Variants in EPB41L2 observed in about 807,000 individuals in gnomAD.
The protein encoded by EPB41L2 is erythrocyte membrane protein band 4.1 like 2.
EPB41L2 carries 43 observed loss-of-function variants against 113.0 expected under a neutral mutation model. That is an observed-to-expected ratio of 0.38 (90% CI 0.30 to 0.49). The LOEUF is 0.49. EPB41L2 is among the 20% of genes least tolerant of loss of function. The probability of loss-of-function intolerance (pLI) is 0.95; values close to 1 mark genes in which losing one functional copy is unlikely to be tolerated. For missense variants in EPB41L2, 1,147 were observed against 1,223.4 expected (o/e 0.94, Z 0.93); for synonymous variants, 442 against 436.7 (o/e 1.01, Z -0.15).
intron 19 of EPB41L2, among the ~76,000 whole-genome samples, chr6:130,846,650 T>G (rs1391281100): frequency 6.6e-6 from 1 of 152,192 alleles, no homozygotes; most frequent in Non-Finnish European, 1.5e-5. Flanking sequence ...GACCCCACCT[T>G]CTTAGGAGGC....
intron 6 of EPB41L2, among the ~76,000 whole-genome samples, chr6:130,903,399 A>T (rs909783485): frequency 1.5e-5 from 1 of 65,778 alleles, no homozygotes; most frequent in Admixed American, 1.6e-4. Context: ...CAAGTAGTTT[A>T]AAAAAAAAAA....
intron 3 of EPB41L2, among the ~76,000 whole-genome samples, chr6:130,948,870 C>T (rs1813845653): frequency 6.6e-6 from 1 of 152,276 alleles, no homozygotes; most frequent in East Asian, 1.9e-4. Context: ...ACAATCTAGC[C>T]TCAAATTTTG....
At chr6:130,880,900 CA>C (rs1789104277) in intron 12 of EPB41L2, 1 of 167,108 alleles carries the variant, frequency 6.0e-6, no homozygotes, top group African/African-American at 2.4e-5. Context: ...TATTGGGGAA[CA>C]AATGTTCAAC....
At chr6:130,944,670 T>G (rs539951524) in intron 3 of EPB41L2, among the ~76,000 whole-genome samples, 1 of 151,442 alleles carries the variant, frequency 6.6e-6, no homozygotes, top group African/African-American at 2.4e-5. Flanking sequence ...AAATGTGGAG[T>G]TGGTAGGGTC....
chr6:131,044,226 A>G (rs1475040618), intron 1 of EPB41L2, among the ~76,000 whole-genome samples: 1 of 151,656 alleles, frequency 6.6e-6, no homozygotes, highest in African/African-American at 2.4e-5. Context: ...GAGTTTCACC[A>G]TGTTGCCCCG....
intron 1 of EPB41L2, among the ~76,000 whole-genome samples, 191 bp downstream of exon 1, chr6:131,062,964 G>C (rs2128212958): frequency 1.3e-5 from 2 of 152,186 alleles, no homozygotes; most frequent in Middle Eastern, 6.8e-3. Flanking sequence ...AGAGGGAGCC[G>C]CAGAAAATCC....
chr6:130,843,402 C>T (rs1458504030), intron 19 of EPB41L2, among the ~76,000 whole-genome samples: 2 of 152,306 alleles, frequency 1.3e-5, no homozygotes, highest in Non-Finnish European at 2.9e-5. Flanking sequence ...CATGTAAAAG[C>T]TGTAAAAGTT....
At chr6:130,914,060 A>G (rs1329253750) in intron 4 of EPB41L2, among the ~76,000 whole-genome samples, 1 of 152,194 alleles carries the variant, frequency 6.6e-6, no homozygotes, top group Non-Finnish European at 1.5e-5. Flanking sequence ...ACACGCAGTA[A>G]AATTCTGGTT....
At chr6:130,861,271 G>T (rs1050350355) in intron 18 of EPB41L2, among the ~76,000 whole-genome samples, 3 of 150,588 alleles carry the variant, frequency 2.0e-5, no homozygotes, top group East Asian at 2.0e-4. Flanking sequence ...ACAGGGTTTC[G>T]CTGTGTTAGC....
chr6:130,869,460 T>C lies in EPB41L2; in HGVS notation c.2607+103A>G, dbSNP rs1369725746. 1.3e-5 allele frequency: 14 copies of C among 1,080,020 alleles called. No homozygotes were observed. In the South Asian group the frequency reaches 1.8e-4, roughly 14 times the overall value. The allele number at this position is 1,080,020 out of a possible 1,614,324, so 66.9% of individuals were successfully genotyped here. A position where few individuals can be genotyped will look rare whatever the true frequency, so the allele number is the denominator to read the frequency against. ...ATGAGAGAGAAAAATCAGATTCTTG[T>C]TGAAAAAAGCTGAAGAACTGGGAGG... On this transcript the variant is annotated intron_variant, in intron 15 of 19. Coordinates refer to ENST00000337057, the MANE Select transcript of EPB41L2 (RefSeq NM_001431.4).
Position 130,885,271 on chromosome 6 carries a change from A to C in EPB41L2, c.1661-3T>G, listed in dbSNP as rs1790569266. 9 of 1,614,078 alleles carry C rather than the reference A, an allele frequency of 5.6e-6. No individual in the cohort carries two copies. The highest frequency in any genetic ancestry group is 7.6e-6 in the Non-Finnish European group (9 of 1,179,960). On this transcript the variant is annotated splice_polypyrimidine_tract_variant and splice_region_variant and intron_variant, in intron 11 of 19. Transcript: ENST00000337057. ...TTGGTCCATGACACCAATCGGAGCT[A>C]GTAAAGAGTGACAATTTTGGATTAT...
intron 17 of EPB41L2, among the ~76,000 whole-genome samples, chr6:130,864,414 G>A (rs944289646): frequency 2.0e-5 from 3 of 152,196 alleles, no homozygotes; most frequent in Non-Finnish European, 2.9e-5. Context: ...AGTCATACAC[G>A]TAGACATGGC....
At chr6:131,061,381 T>C (rs575610558) in intron 1 of EPB41L2, among the ~76,000 whole-genome samples, 78 of 152,312 alleles carry the variant, frequency 5.1e-4, no homozygotes, top group African/African-American at 1.9e-3. Context: ...AATAGATATC[T>C]GAAGTTTGAT....
intron 3 of EPB41L2, among the ~76,000 whole-genome samples, chr6:130,939,852 C>T (rs56287869): frequency 0.043 from 6,509 of 152,232 alleles, 427 homozygotes; most frequent in African/African-American, 0.14. Context: ...TAGTATGTGA[C>T]AAAACATGCT....
chr6:130,891,767 A>C (rs954325813), intron 10 of EPB41L2, among the ~76,000 whole-genome samples: 30 of 152,268 alleles, frequency 2.0e-4, no homozygotes, highest in African/African-American at 7.0e-4. Flanking sequence ...TTATTACTAC[A>C]TTCTTATTCC....
At chr6:130,979,844 A>G (rs1281308135) in intron 1 of EPB41L2, among the ~76,000 whole-genome samples, 1 of 152,200 alleles carries the variant, frequency 6.6e-6, no homozygotes, top group Admixed American at 6.5e-5. Context: ...ATGTGTCTGA[A>G]TGACAGAGCC....
At chr6:130,886,353 C>T (rs1367499751) in intron 11 of EPB41L2, among the ~76,000 whole-genome samples, 3 of 152,134 alleles carry the variant, frequency 2.0e-5, no homozygotes, top group East Asian at 1.9e-4. Flanking sequence ...TTTCACAAAA[C>T]GCTCTTCTCA....
intron 19 of EPB41L2, among the ~76,000 whole-genome samples, chr6:130,856,991 A>G (rs111290563): frequency 0.012 from 1,795 of 152,304 alleles, 45 homozygotes; most frequent in African/African-American, 0.041. Flanking sequence ...AATTTATACA[A>G]ATATAAATAT....
intron 1 of EPB41L2, among the ~76,000 whole-genome samples, chr6:131,005,008 TA>T (rs1785153608): frequency 6.6e-6 from 1 of 152,306 alleles, no homozygotes; most frequent in African/African-American, 2.4e-5. Flanking sequence ...AAGAAAAGCC[TA>T]AATATGTTTG....
Sources: allele counts gnomAD v4.1 joint callset (sites outside exome capture counted in the v4.1 genomes callset), GRCh38; gene constraint gnomAD v4.1.1; transcripts MANE v1.5; gene names NCBI Gene and HGNC (gene_info 2026-07-23, HGNC 2026-07-21).